Variants in ZNF670 observed in about 807,000 individuals in gnomAD.
The protein encoded by ZNF670 is zinc finger protein 670.
A neutral mutation model predicts 10.9 loss-of-function variants in ZNF670; 7 were observed. The observed-to-expected ratio is 0.64, with a 90% CI of 0.36 to 1.20. ZNF670 has a LOEUF of 1.20. Among genes scored for constraint, ZNF670 ranks in the 50% most tolerant of loss-of-function variants. ZNF670 has a pLI of 0.02. For synonymous variants in ZNF670, 136 were observed against 152.7 expected, an observed-to-expected ratio of 0.89 and a Z score of 0.81; for missense variants, 446 against 458.6, an observed-to-expected ratio of 0.97 and a Z score of 0.25.
chr1:247,064,810 C>T (rs1670945146), intron 1 of ZNF670, among the ~76,000 whole-genome samples: 1 of 152,018 alleles, frequency 6.6e-6, no homozygotes, highest in Non-Finnish European at 1.5e-5. Context: ...TTTCTCTTTC[C>T]TTCTTTTTAT....
At position 247,036,150 on chromosome 1, in the gene ZNF670, T is replaced by G. The variant is rs762663992; in HGVS notation, c.*1299A>C. On this transcript the variant is annotated 3_prime_UTR_variant, in exon 4 of 4. Coordinates refer to ENST00000366503, the MANE Select transcript of ZNF670 (RefSeq NM_033213.5). The stretch of plus-strand genomic sequence containing the variant: ...TCAGTAGAATGCCAAAAACCACAAA[T>G]CATCTCAATAGATGCAGAAAAAAAC... Among the ~76,000 whole-genome samples the G allele has an allele frequency of 2.6e-5, 4 of 152,010 alleles. No individual in the cohort carries two copies. The highest frequency in any genetic ancestry group is 5.9e-5 in the Non-Finnish European group (4 of 68,012).
chr1:247,050,662 G>T (rs1055003342), intron 1 of ZNF670, among the ~76,000 whole-genome samples: 1 of 151,990 alleles, frequency 6.6e-6, no homozygotes, highest in African/African-American at 2.4e-5. Context: ...TTTTAGCAGA[G>T]ATGAGGTTTC....
chr1:247,072,834 ATATATG>A lies in ZNF670; in HGVS notation c.3+5754_3+5759del, dbSNP rs1421002613. Among the ~76,000 whole-genome samples the A allele has an allele frequency of 3.8e-3, 417 of 108,424 alleles. 6 individuals are homozygous for A. Among genetic ancestry groups the A allele is most frequent in the African/African-American group, 0.017 (397 of 23,972 alleles). 71.1% of individuals were successfully genotyped at this position (108,424 alleles called of 152,430 possible). Reference sequence around the variant, plus strand: ...TATATATATATATATATATATATATATATATGCATACACACACATACACACACACAC... The same window carrying A: ...TATATATATATATATATATATATATACATACACACACATACACACACACAC... On this transcript the variant is annotated intron_variant, in intron 1 of 3. Coordinates refer to ENST00000366503, the MANE Select transcript of ZNF670 (RefSeq NM_033213.5).
At chr1:247,071,861 CTT>C (rs1230431011) in intron 1 of ZNF670, among the ~76,000 whole-genome samples, 43 of 138,858 alleles carry the variant, frequency 3.1e-4, no homozygotes, top group Non-Finnish European at 2.7e-4. Flanking sequence ...TTCTTTCTTT[CTT>C]TTTTTTTTTT....
chr1:247,078,552 T>A, intron 1 of ZNF670, 42 bp downstream of exon 1: 1 of 1,612,854 alleles, frequency 6.2e-7, no homozygotes, highest in Non-Finnish European at 8.5e-7. Flanking sequence ...TTCCTGGCGG[T>A]TCCCTTTTCC....
chr1:247,060,299 A>G (rs182825767), intron 1 of ZNF670, among the ~76,000 whole-genome samples: 2 of 152,312 alleles, frequency 1.3e-5, no homozygotes, highest in East Asian at 3.9e-4. Context: ...AGGGCAGAAA[A>G]CCCAGAAATA....
intron 1 of ZNF670, among the ~76,000 whole-genome samples, chr1:247,046,937 A>T (rs1670465299): frequency 6.6e-6 from 1 of 152,242 alleles, no homozygotes; most frequent in Admixed American, 6.5e-5. Flanking sequence ...TACAGGCCCC[A>T]TGCAAGTCCA....
chr1:247,043,206 C>T (rs934653696), intron 1 of ZNF670: 97 of 711,326 alleles, frequency 1.4e-4, no homozygotes, highest in Middle Eastern at 7.5e-4. Flanking sequence ...AAGGGCCATA[C>T]GCATCACTAA....
At chr1:247,048,396 C>CTT (rs1165477282) in intron 1 of ZNF670, among the ~76,000 whole-genome samples, 1 of 152,178 alleles carries the variant, frequency 6.6e-6, no homozygotes, top group Non-Finnish European at 1.5e-5. Flanking sequence ...TCAGCCTGGA[C>CTT]TTAACTGTCT....
intron 1 of ZNF670, among the ~76,000 whole-genome samples, chr1:247,047,035 G>C (rs1670467180): frequency 6.6e-6 from 1 of 152,240 alleles, no homozygotes; most frequent in Non-Finnish European, 1.5e-5. Flanking sequence ...GATGCAAGAA[G>C]TGGACTCTCA....
chr1:247,056,597 G>A (rs79294705), intron 1 of ZNF670, among the ~76,000 whole-genome samples: 2,896 of 152,102 alleles, frequency 0.019, 51 homozygotes, highest in Non-Finnish European at 0.028. Flanking sequence ...ACCTAATAAC[G>A]CATCTTAAAA....
At chr1:247,054,245 C>T (rs1388249704) in intron 1 of ZNF670, among the ~76,000 whole-genome samples, 1 of 152,192 alleles carries the variant, frequency 6.6e-6, no homozygotes, top group East Asian at 1.9e-4. Flanking sequence ...GTCTAAGCCA[C>T]AAGAATGGCA....
rs1670200705 is a variant in ZNF670, at chr1:247,037,920, T to C, written c.699A>G (p.Ser233=). The change falls in exon 4 of 4, where the codon TCA becomes TCG. Residue 233 remains serine, a synonymous_variant. Transcript: ENST00000366503. The part of the protein sequence containing the change: ...KPYACKKCGK[S]FTFSSSLRQH... ...GGCGAAGAGAACTGGAAAAAGTGAA[T>C]GATTTACCACATTTCTTACATGCAT... 1.9e-6 allele frequency: 3 copies of C among 1,613,874 alleles called. No individual in the cohort carries two copies. The highest frequency in any genetic ancestry group is 1.7e-5 in the Admixed American group (1 of 59,986).
At chr1:247,041,579 C>A (rs1212831089) in intron 1 of ZNF670, among the ~76,000 whole-genome samples, 1 of 152,168 alleles carries the variant, frequency 6.6e-6, no homozygotes, top group African/African-American at 2.4e-5. Context: ...TCAACTGATA[C>A]CCTCCATTGC....
intron 3 of ZNF670, 136 bp from the exon 4 acceptor site, chr1:247,038,563 TC>T (rs1403447364): frequency 2.3e-6 from 2 of 865,870 alleles, no homozygotes; most frequent in Non-Finnish European, 3.5e-6. Flanking sequence ...AAGATATGGG[TC>T]CCCCATAGCT....
chr1:247,060,301 C>G (rs1384418524), intron 1 of ZNF670, among the ~76,000 whole-genome samples: 1 of 151,890 alleles, frequency 6.6e-6, no homozygotes, highest in Admixed American at 6.6e-5. Flanking sequence ...GGCAGAAAAC[C>G]CAGAAATAAA....
At chr1:247,067,434 TC>T (rs1558346235) in intron 1 of ZNF670, among the ~76,000 whole-genome samples, 1 of 53,502 alleles carries the variant, frequency 1.9e-5, no homozygotes, top group African/African-American at 1.1e-4. Context: ...AGATCCCGTC[TC>T]AAAAAAAAAA....
chr1:247,047,753 G>A (rs568157395), intron 1 of ZNF670, among the ~76,000 whole-genome samples: 1 of 152,312 alleles, frequency 6.6e-6, no homozygotes, highest in African/African-American at 2.4e-5. Context: ...CCAACACCAA[G>A]TAAAGGCTGC....
At chr1:247,068,269 T>G (rs1191813488) in intron 1 of ZNF670, among the ~76,000 whole-genome samples, 1 of 116,384 alleles carries the variant, frequency 8.6e-6, no homozygotes, top group Admixed American at 9.3e-5. Flanking sequence ...TGAGCCAAGA[T>G]CACACCACTG....
Sources: allele counts gnomAD v4.1 joint callset (sites outside exome capture counted in the v4.1 genomes callset), GRCh38; gene constraint gnomAD v4.1.1; transcripts MANE v1.5; gene names NCBI Gene and HGNC (gene_info 2026-07-23, HGNC 2026-07-21).